The following PTPRQ variants were observed in gnomAD, a reference collection of about 807,000 sequenced individuals.
The protein encoded by PTPRQ is protein tyrosine phosphatase receptor type Q.
A neutral mutation model predicts 246.0 loss-of-function variants in PTPRQ; 199 were observed. That is an observed-to-expected ratio of 0.81 (90% CI 0.72 to 0.91). The LOEUF (loss-of-function observed/expected upper bound fraction) is 0.91, where lower values mean the gene tolerates loss of function less well. PTPRQ is among the 40% of genes least tolerant of loss of function. PTPRQ has a pLI of 0.00. For synonymous variants in PTPRQ, 869 were observed against 853.2 expected (o/e 1.02, Z -0.32); for missense variants, 2,624 against 2,528.4 (o/e 1.04, Z -0.81).
chr12:80,539,733 C>T (rs1896093613), intron 19 of PTPRQ, 43 bp from the exon 20 acceptor site: 7 of 1,479,336 alleles, frequency 4.7e-6, no homozygotes, highest in Non-Finnish European at 5.4e-6. Context: ...TTCATGCATA[C>T]TAAAAAAATA....
chr12:80,533,232 A>G (rs1895894574), intron 17 of PTPRQ, among the ~76,000 whole-genome samples: 1 of 152,032 alleles, frequency 6.6e-6, no homozygotes, highest in East Asian at 1.9e-4. Context: ...ATATTAATCT[A>G]TACCCAGTTC....
chr12:80,641,866 T>A (rs1474796879), intron 35 of PTPRQ, among the ~76,000 whole-genome samples: 1 of 147,994 alleles, frequency 6.8e-6, no homozygotes, highest in East Asian at 2.1e-4. Flanking sequence ...TCTCTCTCAC[T>A]CTCTCTCTCT....
intron 27 of PTPRQ, among the ~76,000 whole-genome samples, chr12:80,609,364 T>C (rs1898461972): frequency 6.6e-6 from 1 of 150,456 alleles, no homozygotes; most frequent in Non-Finnish European, 1.5e-5. Context: ...AAACAAAAAA[T>C]ATTTCAAAGT....
At chr12:80,635,617 C>T (rs1186393615) in intron 35 of PTPRQ, among the ~76,000 whole-genome samples, 1 of 151,718 alleles carries the variant, frequency 6.6e-6, no homozygotes, top group Admixed American at 6.6e-5. Flanking sequence ...AAAGTAAAAA[C>T]ATGTGTACTA....
At chr12:80,493,574 A>ATT in intron 10 of PTPRQ, 119 bp downstream of exon 10, 2 of 1,317,202 alleles carry the variant, frequency 1.5e-6, no homozygotes, top group East Asian at 2.8e-5. Context: ...CTGGAGTCGG[A>ATT]TTTTTTTTTA....
chr12:80,546,107 C>G (rs998710508), intron 23 of PTPRQ, among the ~76,000 whole-genome samples: 1 of 152,118 alleles, frequency 6.6e-6, no homozygotes, highest in Non-Finnish European at 1.5e-5. Context: ...CACCTCAGGT[C>G]AGGAGTTCAA....
At chr12:80,447,409 C>T (rs950903180) in intron 3 of PTPRQ, among the ~76,000 whole-genome samples, 3 of 151,982 alleles carry the variant, frequency 2.0e-5, no homozygotes, top group African/African-American at 7.2e-5. Context: ...AACTAAGTCC[C>T]ATTTAAGTCT....
intron 39 of PTPRQ, among the ~76,000 whole-genome samples, chr12:80,666,442 C>T (rs10862181): frequency 0.47 from 70,536 of 151,614 alleles, 17,698 homozygotes; most frequent in African/African-American, 0.67. Context: ...GATTGGTTAA[C>T]GAATGCAAAA....
chr12:80,636,961 A>C (rs1899677075), intron 35 of PTPRQ, among the ~76,000 whole-genome samples: 1 of 152,146 alleles, frequency 6.6e-6, no homozygotes, highest in South Asian at 2.1e-4. Flanking sequence ...ATACATCATC[A>C]TAAAAAAATT....
chr12:80,613,291 C>A (rs1480581980), intron 28 of PTPRQ, among the ~76,000 whole-genome samples: 2 of 150,604 alleles, frequency 1.3e-5, no homozygotes, highest in Admixed American at 1.3e-4. Flanking sequence ...GCACTCCAGT[C>A]AGGGTGACAA....
chr12:80,657,260 CTT>C (rs1459469878), intron 38 of PTPRQ, among the ~76,000 whole-genome samples: 4 of 151,698 alleles, frequency 2.6e-5, no homozygotes, highest in Admixed American at 2.6e-4. Context: ...CTCAGTTTCA[CTT>C]GTATTTAAGG....
chr12:80,463,043 A>G (rs574687413), intron 6 of PTPRQ, among the ~76,000 whole-genome samples: 475 of 152,238 alleles, frequency 3.1e-3, no homozygotes, highest in African/African-American at 0.01. Context: ...TTGAGAGAAG[A>G]AGGCTTCGGA....
intron 33 of PTPRQ, among the ~76,000 whole-genome samples, chr12:80,628,433 G>A (rs1899289389): frequency 6.6e-6 from 1 of 152,006 alleles, no homozygotes; most frequent in Non-Finnish European, 1.5e-5. Context: ...TTACACATTG[G>A]TAACCTATTT....
chr12:80,642,396 C>T (rs938539722), intron 35 of PTPRQ, among the ~76,000 whole-genome samples: 3 of 152,118 alleles, frequency 2.0e-5, no homozygotes, highest in African/African-American at 4.8e-5. Flanking sequence ...CCTGTTGCCC[C>T]GGATGTAGCT....
chr12:80,590,464 G>A (rs1035214202), intron 26 of PTPRQ, among the ~76,000 whole-genome samples: 2 of 151,914 alleles, frequency 1.3e-5, no homozygotes, highest in African/African-American at 4.8e-5. Flanking sequence ...TCAGGAGATC[G>A]AGACTATCCT....
chr12:80,623,040 A>G (rs1899054087), intron 33 of PTPRQ, among the ~76,000 whole-genome samples: 1 of 152,096 alleles, frequency 6.6e-6, no homozygotes, highest in African/African-American at 2.4e-5. Context: ...CGTCTTAAAG[A>G]ATTGCATGAA....
intron 39 of PTPRQ, among the ~76,000 whole-genome samples, chr12:80,662,468 T>G (rs994281998): frequency 2.0e-5 from 3 of 152,000 alleles, no homozygotes; most frequent in Non-Finnish European, 2.9e-5. Flanking sequence ...TTCAAATTCC[T>G]TCTCTGCATT....
chr12:80,551,963 A>T (rs534184599), intron 25 of PTPRQ, among the ~76,000 whole-genome samples: 1 of 152,078 alleles, frequency 6.6e-6, no homozygotes, highest in East Asian at 1.9e-4. Flanking sequence ...CCTTTCTATG[A>T]CACATAAAAT....
chr12:80,629,075 T>A (rs1899316134), intron 33 of PTPRQ, among the ~76,000 whole-genome samples: 1 of 151,268 alleles, frequency 6.6e-6, no homozygotes, highest in South Asian at 2.1e-4. Context: ...GCAGTGTTCT[T>A]ACATGGCCTT....
Sources: allele counts gnomAD v4.1 joint callset (sites outside exome capture counted in the v4.1 genomes callset), GRCh38; gene constraint gnomAD v4.1.1; transcripts MANE v1.5; gene names NCBI Gene and HGNC (gene_info 2026-07-23, HGNC 2026-07-21).